The following OPA1 variants were observed in gnomAD, a reference collection of about 807,000 sequenced individuals.
OPA1 encodes dynamin-like GTPase OPA1, mitochondrial.
In OPA1, 59 loss-of-function variants were observed where a neutral mutation model predicts 152.9. That is an observed-to-expected ratio of 0.39 (90% confidence interval 0.31 to 0.48). The LOEUF (loss-of-function observed/expected upper bound fraction) is 0.48, where lower values mean the gene tolerates loss of function less well. Ranked by LOEUF, OPA1 falls within the 20% of genes least tolerant of loss-of-function variation. The probability of loss-of-function intolerance (pLI) is 0.96; values close to 1 mark genes in which losing one functional copy is unlikely to be tolerated. For synonymous variants in OPA1, 400 were observed against 389.9 expected, an observed-to-expected ratio of 1.03 and a Z score of -0.31; for missense variants, 1,008 against 1,216.8, an observed-to-expected ratio of 0.83 and a Z score of 2.55.
chr3:193,647,235 A>C, intron 19 of OPA1, 55 bp downstream of exon 19: 1 of 1,084,690 alleles, frequency 9.2e-7, no homozygotes, highest in Non-Finnish European at 1.4e-6. Context: ...TTAGCTGGCA[A>C]TCTTTGGCAT....
intron 27 of OPA1, among the ~76,000 whole-genome samples, chr3:193,665,475 G>A (rs950557544): frequency 6.6e-6 from 1 of 151,988 alleles, no homozygotes; most frequent in African/African-American, 2.4e-5. Flanking sequence ...CTTTTTTCAG[G>A]TGTCATAATT....
Position 193,642,761 on chromosome 3 carries a change from T to A in OPA1, c.1150-4T>A, listed in dbSNP as rs1733977403. 1 of 1,602,868 alleles carries A rather than the reference T, an allele frequency of 6.2e-7. No homozygotes were observed. The highest frequency in any genetic ancestry group is 2.2e-5 in the East Asian group (1 of 44,812). ...ATTACCTCTCAGTTTTCTGTTACTA[T>A]CAGGTGACTCTGAGTGAAGGTCCTC... On this transcript the variant is annotated splice_region_variant and splice_polypyrimidine_tract_variant and intron_variant, in intron 11 of 30. Coordinates refer to ENST00000361510, the MANE Select transcript of OPA1 (RefSeq NM_130837.3).
chr3:193,648,026 A>G (rs1399353541), intron 19 of OPA1, 44 bp from the exon 20 acceptor site: 1 of 1,404,966 alleles, frequency 7.1e-7, no homozygotes, highest in Non-Finnish European at 1.0e-6. Context: ...CTACATCTGG[A>G]AAGAAGGAGG....
rs766589649 is a variant in OPA1 at position 193,645,690 on chromosome 3, A to C, written c.1682-38A>C. 2.5e-6 allele frequency: 4 copies of C among 1,609,380 alleles called. No homozygotes were observed. In the South Asian group the frequency reaches 4.4e-5, roughly 18 times the overall value. On this transcript the variant is annotated intron_variant, in intron 17 of 30. Transcript: ENST00000361510. ...TGTTGTTTTCAAATAATAAAGAGTA[A>C]TTTTCTTGATGAAAATTTGACCATC...
At chr3:193,676,724 T>C (rs1281991844) in intron 29 of OPA1, among the ~76,000 whole-genome samples, 1 of 152,152 alleles carries the variant, frequency 6.6e-6, no homozygotes, top group Non-Finnish European at 1.5e-5. Context: ...CTCACGCCTG[T>C]AATCCCAGCA....
intron 11 of OPA1, among the ~76,000 whole-genome samples, chr3:193,638,293 G>A (rs1418315355): frequency 6.6e-6 from 1 of 152,170 alleles, no homozygotes. Flanking sequence ...CCAGTTGGGA[G>A]GCCTTTGGAT....
At position 193,643,264 on chromosome 3, in the gene OPA1, A is replaced by T. The variant is rs115482686; in HGVS notation, c.1306-109A>T. On this transcript the variant is annotated intron_variant, in intron 13 of 30. Transcript: ENST00000361510. ...AGAATACCATTTTTGTGAGCGTCTTATCTGAATGGATGAGATATAGAATTT... is the reference window on the plus strand; with the variant it reads ...AGAATACCATTTTTGTGAGCGTCTTTTCTGAATGGATGAGATATAGAATTT... 1,420 of 940,106 alleles carry T rather than the reference A, an allele frequency of 1.5e-3. 14 individuals are homozygous for T. The African/African-American group carries it at 0.019, about 13-fold the overall frequency. 58.2% of individuals were successfully genotyped at this position (940,106 alleles called of 1,614,324 possible).
At chr3:193,650,320 C>G (rs1245668492) in intron 21 of OPA1, among the ~76,000 whole-genome samples, 1 of 152,110 alleles carries the variant, frequency 6.6e-6, no homozygotes, top group East Asian at 1.9e-4. Context: ...ATATATGATT[C>G]TCTGTGTTTT....
At chr3:193,654,419 C>T (rs1434805299) in intron 21 of OPA1, among the ~76,000 whole-genome samples, 1 of 151,806 alleles carries the variant, frequency 6.6e-6, no homozygotes, top group African/African-American at 2.4e-5. Flanking sequence ...TGGCTTGAGC[C>T]CAGGAGGTTG....
chr3:193,624,877 G>A (rs1272351451), intron 6 of OPA1, among the ~76,000 whole-genome samples: 1 of 151,750 alleles, frequency 6.6e-6, no homozygotes, highest in African/African-American at 2.4e-5. Flanking sequence ...AATATTTTGG[G>A]CAGTCATTTT....
chr3:193,686,953 A>T (rs564300595), intron 29 of OPA1, among the ~76,000 whole-genome samples: 46 of 152,288 alleles, frequency 3.0e-4, no homozygotes, highest in African/African-American at 1.0e-3. Flanking sequence ...TAAAAGGTTT[A>T]TTTCAGGGCA....
chr3:193,637,069 T>G, intron 9 of OPA1, 126 bp from the exon 10 acceptor site: 1 of 538,176 alleles, frequency 1.9e-6, no homozygotes. Context: ...TTATGTAATT[T>G]GAGAAAACAG....
At chr3:193,607,392 G>C (rs1459723287) in intron 1 of OPA1, among the ~76,000 whole-genome samples, 2 of 152,094 alleles carry the variant, frequency 1.3e-5, no homozygotes, top group Non-Finnish European at 2.9e-5. Flanking sequence ...GGATTTTTAT[G>C]GTTTTAGGTC....
intron 19 of OPA1, among the ~76,000 whole-genome samples, 184 bp downstream of exon 19, chr3:193,647,364 C>T (rs1225034176): frequency 6.6e-6 from 1 of 152,144 alleles, no homozygotes; most frequent in Non-Finnish European, 1.5e-5. Context: ...CAAGATTTTT[C>T]CTTTCAGAGG....
At position 193,638,176 on chromosome 3, in the gene OPA1, A is replaced by C. The variant is rs1455857579; in HGVS notation, c.1149+111A>C. On this transcript the variant is annotated intron_variant, in intron 11 of 30. Transcript: ENST00000361510. ...TTAACCAAAGAAAGACTTGATACAT[A>C]GTGTTTGGAATGATCCCTAGTGTGG... The C allele has an allele frequency of 6.2e-6, 5 of 801,816 alleles. No homozygotes were observed. The African/African-American group carries it at 8.5e-5, about 14-fold the overall frequency. The allele number at this position is 801,816 out of a possible 1,614,324, so 49.7% of individuals were successfully genotyped here. A position where few individuals can be genotyped will look rare whatever the true frequency, so the allele number is the denominator to read the frequency against.
chr3:193,594,350 T>C (rs1725162921), intron 1 of OPA1, among the ~76,000 whole-genome samples: 1 of 152,180 alleles, frequency 6.6e-6, no homozygotes, highest in Admixed American at 6.5e-5. Flanking sequence ...GTATAGATAA[T>C]TTATCGTGTT....
In OPA1 at chr3:193,643,954, TC is replaced by T. The variant is rs1172477574; in HGVS notation, c.1478-20del. ...CTTTACATCTTAAAATTCCACAGTG[TC>T]ATTTTTTTATTTTTTTCAGATGGAT... On this transcript the variant is annotated intron_variant, in intron 15 of 30. Coordinates refer to ENST00000361510, the MANE Select transcript of OPA1 (RefSeq NM_130837.3). 1 of 1,612,818 alleles carries T rather than the reference TC, an allele frequency of 6.2e-7. No individual in the cohort carries two copies. The highest frequency in any genetic ancestry group is 2.2e-5 in the East Asian group (1 of 44,838).
intron 6 of OPA1, chr3:193,619,451 TATTG>T (rs1421066479): frequency 1.9e-5 from 3 of 154,298 alleles, no homozygotes; most frequent in African/African-American, 7.2e-5. Context: ...AATTCCCTGA[TATTG>T]ATAGTTAACA....
intron 19 of OPA1, among the ~76,000 whole-genome samples, chr3:193,647,742 C>A (rs1734910997): frequency 6.6e-6 from 1 of 152,094 alleles, no homozygotes; most frequent in Non-Finnish European, 1.5e-5. Context: ...ATCCTATTAC[C>A]CAGTGTCACA....
Sources: gnomAD v4.1 joint callset for allele counts (sites outside exome capture counted in the v4.1 genomes callset) on GRCh38, gnomAD v4.1.1 for gene constraint, MANE v1.5 for transcripts, NCBI Gene and HGNC (gene_info 2026-07-23, HGNC 2026-07-21) for gene names.